The following PRMT8 variants were observed in gnomAD, a reference collection of about 807,000 sequenced individuals.
PRMT8 encodes protein arginine N-methyltransferase 8.
PRMT8 carries 7 observed loss-of-function variants against 47.1 expected under a neutral mutation model. That is an observed-to-expected ratio of 0.15 (90% CI 0.08 to 0.28). The LOEUF (loss-of-function observed/expected upper bound fraction) is 0.28. Among genes scored for constraint, PRMT8 ranks in the 10% least tolerant of loss-of-function variants. The probability of loss-of-function intolerance (pLI) is 1.00; values close to 1 mark genes in which losing one functional copy is unlikely to be tolerated. For missense variants in PRMT8, 237 were observed against 505.4 expected, an observed-to-expected ratio of 0.47 and a Z score of 5.09; for synonymous variants, 188 against 186.5, an observed-to-expected ratio of 1.01 and a Z score of -0.07.
intron 4 of PRMT8, among the ~76,000 whole-genome samples, chr12:3,561,638 T>A (rs530479945): frequency 6.6e-6 from 1 of 152,278 alleles, no homozygotes; most frequent in East Asian, 1.9e-4. Flanking sequence ...TGCAGCCAAG[T>A]CATGAATCCA....
intron 1 of PRMT8, chr12:3,463,477 T>C (rs1223112482): frequency 6.6e-6 from 1 of 152,222 alleles, no homozygotes; most frequent in Non-Finnish European, 1.5e-5. Context: ...GCAGCATAGA[T>C]GGAAAAGCAC....
Position 3,397,782 on chromosome 12 carries a change from G to A in PRMT8, c.48+16340G>A, listed in dbSNP as rs567698648. Among the ~76,000 whole-genome samples the A allele has an allele frequency of 3.5e-4, 54 of 152,230 alleles. 1 individual carries two copies. The East Asian group carries it at 7.5e-3, about 21-fold the overall frequency. On this transcript the variant is annotated intron_variant, in intron 1 of 9. Coordinates refer to the PRMT8 transcript ENST00000452611. ...CTGCTTTGTTTACCTCAGCAAGCCC[G>A]GGCAATGGCGGGCGCCCCTCCCCCA...
intron 1 of PRMT8, among the ~76,000 whole-genome samples, chr12:3,513,819 C>A (rs542041081): frequency 6.6e-6 from 1 of 152,356 alleles, no homozygotes; most frequent in South Asian, 2.1e-4. Flanking sequence ...TGTTTAATAA[C>A]AACTATTTTA....
At chr12:3,474,295 C>T (rs2137097154) in intron 1 of PRMT8, among the ~76,000 whole-genome samples, 1 of 152,278 alleles carries the variant, frequency 6.6e-6, no homozygotes, top group Middle Eastern at 3.4e-3. Context: ...GTTACTTAGC[C>T]TCTATAAGCT....
Position 3,493,750 on chromosome 12 carries a change from G to GA in PRMT8, c.75+2054dup, listed in dbSNP as rs1352448996. Among the ~76,000 whole-genome samples, 1 of 152,222 alleles carries GA rather than the reference G, an allele frequency of 6.6e-6. No individual in the cohort carries two copies. The highest frequency in any genetic ancestry group is 1.5e-5 in the Non-Finnish European group (1 of 68,038). ...TGCCAGCTCTGCTGAAGGCATCAATGAAAACAGCAGTAGGGGCGGCCGGGC... is the reference window on the plus strand; with the variant it reads ...TGCCAGCTCTGCTGAAGGCATCAATGAAAAACAGCAGTAGGGGCGGCCGGGC... On this transcript the variant is annotated intron_variant, in intron 1 of 9. Transcript: ENST00000382622. The surrounding 1 kb of genome is among the most constrained non-coding windows in gnomAD (Gnocchi z 8.2).
Position 3,535,204 on chromosome 12 carries a change from C to T in PRMT8, c.76-5402C>T, listed in dbSNP as rs887632742. Among the ~76,000 whole-genome samples, 8 of 152,240 alleles carry T rather than the reference C, an allele frequency of 5.3e-5. No individual in the cohort carries two copies. Among genetic ancestry groups the T allele is most frequent in the Non-Finnish European group, 1.0e-4 (7 of 68,044 alleles). On this transcript the variant is annotated intron_variant, in intron 1 of 9. Transcript: ENST00000382622. The surrounding 1 kb of genome is among the most constrained non-coding windows in gnomAD (Gnocchi z 4.7). ...GCCCCTTCTTCAGGAAGCCAGCTTCCTCCTGTCTCCAGCTCTGCTGCGTCC... is the reference window on the plus strand; with the variant it reads ...GCCCCTTCTTCAGGAAGCCAGCTTCTTCCTGTCTCCAGCTCTGCTGCGTCC...
chr12:3,567,942 A>G (rs572874421), intron 4 of PRMT8, among the ~76,000 whole-genome samples: 51 of 152,156 alleles, frequency 3.4e-4, no homozygotes, highest in South Asian at 6.2e-4. Context: ...GCGTGGTGGC[A>G]CATGCCTGTA....
intron 1 of PRMT8, among the ~76,000 whole-genome samples, chr12:3,433,527 C>A (rs879269242): frequency 6.6e-6 from 1 of 152,172 alleles, no homozygotes; most frequent in African/African-American, 2.4e-5. Flanking sequence ...GTAATTTGCT[C>A]AAGATCACAC....
chr12:3,582,029 G>A (rs770539826), intron 7 of PRMT8, among the ~76,000 whole-genome samples: 7 of 152,166 alleles, frequency 4.6e-5, no homozygotes, highest in Non-Finnish European at 8.8e-5. Flanking sequence ...AGGTCCCTGT[G>A]GAACCAACCA....
chr12:3,514,211 C>CTTT lies in PRMT8; in HGVS notation c.75+22523_75+22525dup, dbSNP rs377360240. ...TCTAGCCTCTCTGAATTCATCCTGC[C>CTTT]TTTTTTTTTTTTTTCTGTTACCCCT... is the stretch of plus-strand genomic sequence containing the variant. On this transcript the variant is annotated intron_variant, in intron 1 of 9. Coordinates refer to ENST00000382622, the MANE Select transcript of PRMT8 (RefSeq NM_019854.5). The surrounding 1 kb of genome is among the most constrained non-coding windows in gnomAD (Gnocchi z 5.9). Among the ~76,000 whole-genome samples, 13,524 of 141,748 alleles carry CTTT rather than the reference C, an allele frequency of 0.095. 784 individuals are homozygous for CTTT. Among genetic ancestry groups the CTTT allele is most frequent in the African/African-American group, 0.16 (6,174 of 38,626 alleles). 93.0% of individuals were successfully genotyped at this position (141,748 alleles called of 152,430 possible).
Position 3,448,508 on chromosome 12 carries a change from C to T in PRMT8, c.48+67066C>T, listed in dbSNP as rs541266889. On this transcript the variant is annotated intron_variant, in intron 1 of 9. Coordinates refer to the PRMT8 transcript ENST00000452611. ...ATTATTTTGTATCAGAATTCTCAAC[C>T]TTGGAACTACTGAAATTTTGGACTA... is the stretch of plus-strand genomic sequence containing the variant. Among the ~76,000 whole-genome samples the T allele has an allele frequency of 2.0e-5, 3 of 152,116 alleles. No homozygotes were observed. The East Asian group carries it at 5.8e-4, about 29-fold the overall frequency.
chr12:3,537,204 C>G (rs138514798), intron 1 of PRMT8, among the ~76,000 whole-genome samples: 2 of 152,188 alleles, frequency 1.3e-5, no homozygotes, highest in African/African-American at 4.8e-5. Context: ...GGGAGAAGAG[C>G]TTATCTGGTA....
intron 1 of PRMT8, among the ~76,000 whole-genome samples, chr12:3,442,531 G>A (rs1242558514): frequency 6.6e-6 from 1 of 152,132 alleles, no homozygotes; most frequent in Non-Finnish European, 1.5e-5. Context: ...TCCTGGGATG[G>A]GAAACAGAAG....
chr12:3,428,730 C>A (rs956644895), intron 1 of PRMT8, among the ~76,000 whole-genome samples: 1 of 151,562 alleles, frequency 6.6e-6, no homozygotes, highest in African/African-American at 2.4e-5. Flanking sequence ...CTTTGACTTT[C>A]CTTTTGCCTC....
chr12:3,496,214 A>ATTTTTTTTTTTTTTTTTTTTTTTTT (rs1555085718), intron 1 of PRMT8, among the ~76,000 whole-genome samples: 1 of 27,756 alleles, frequency 3.6e-5, no homozygotes, highest in Admixed American at 7.4e-4. Context: ...ATATATATAT[A>ATTTTTTTTTTTTTTTTTTTTTTTTT]TTTTTTTTTT....
In PRMT8 at chr12:3,409,123, G is replaced by A. The variant is rs191827051; in HGVS notation, c.48+27681G>A. Among the ~76,000 whole-genome samples the A allele has an allele frequency of 6.6e-6, 1 of 152,120 alleles. No homozygotes were observed. Among genetic ancestry groups the A allele is most frequent in the Admixed American group, 6.5e-5 (1 of 15,276 alleles). On this transcript the variant is annotated intron_variant, in intron 1 of 9. Coordinates refer to the PRMT8 transcript ENST00000452611. The surrounding 1 kb of genome is among the most constrained non-coding windows in gnomAD (Gnocchi z 4.4). ...CCTACTGTGGCACCTGGGACTTGGG[G>A]TGAAGGTTCACTCTCTGTGAAGCAT...
chr12:3,566,082 C>T lies in PRMT8; in HGVS notation c.482-2624C>T, dbSNP rs904680141. On this transcript the variant is annotated intron_variant, in intron 4 of 9. Transcript: ENST00000382622. The surrounding 1 kb of genome is among the most constrained non-coding windows in gnomAD (Gnocchi z 4.7). ...ACATTAGGGAAGAACCTTCAAGAAA[C>T]GTGCAAAGAAAAAAAAGTAAGGGAG... Among the ~76,000 whole-genome samples the T allele has an allele frequency of 6.6e-6, 1 of 151,702 alleles. No homozygotes were observed. Among genetic ancestry groups the T allele is most frequent in the South Asian group, 2.1e-4 (1 of 4,796 alleles).
At chr12:3,469,017 G>C (rs1865134055) in intron 1 of PRMT8, 1 of 358,662 alleles carries the variant, frequency 2.8e-6, no homozygotes. Context: ...TCTATTCACT[G>C]CATGAACTGT....
At chr12:3,509,097 G>T (rs1306367070) in intron 1 of PRMT8, among the ~76,000 whole-genome samples, 1 of 152,146 alleles carries the variant, frequency 6.6e-6, no homozygotes, top group Non-Finnish European at 1.5e-5. Context: ...ACAGCAGTGT[G>T]AGTGCATATT....
Sources: allele counts gnomAD v4.1 joint callset (sites outside exome capture counted in the v4.1 genomes callset), GRCh38; gene constraint gnomAD v4.1.1; non-coding constraint Gnocchi (gnomAD v3.1); transcripts MANE v1.5; gene names NCBI Gene and HGNC (gene_info 2026-07-23, HGNC 2026-07-21).